The following CRYBG2 variants were observed in gnomAD, a reference collection of about 807,000 sequenced individuals.
CRYBG2 encodes beta/gamma crystallin domain-containing protein 2.
In CRYBG2, 106 loss-of-function variants were observed where a neutral mutation model predicts 153.4. That is an observed-to-expected ratio of 0.69 (90% CI 0.59 to 0.81). The LOEUF (loss-of-function observed/expected upper bound fraction) is 0.81. Ranked by LOEUF, CRYBG2 falls within the 30% of genes least tolerant of loss-of-function variation. The probability of loss-of-function intolerance (pLI) is 0.00; values close to 1 mark genes in which losing one functional copy is unlikely to be tolerated. For synonymous variants in CRYBG2, 851 were observed against 877.8 expected, an observed-to-expected ratio of 0.97 and a Z score of 0.54; for missense variants, 1,996 against 2,112.0, an observed-to-expected ratio of 0.95 and a Z score of 1.08.
chr1:26,345,252 G>A lies in CRYBG2; in HGVS notation c.1406C>T (p.Ala469Val). The change falls in exon 2 of 20, where the codon GCT (alanine) becomes GTT (valine). Residue 469 changes from alanine to valine, a missense_variant. Coordinates refer to ENST00000308182, the MANE Select transcript of CRYBG2 (RefSeq NM_001039775.4). ...TQREVVKGPGAPAASSPTRKE... is the reference protein window; with the variant it reads ...TQREVVKGPGVPAASSPTRKE... ...CCGGGTGGGAGATGAGGCAGCAGGAGCACCGGGGCCCTTCACGACCTCCCT... is the reference window on the plus strand; with the variant it reads ...CCGGGTGGGAGATGAGGCAGCAGGAACACCGGGGCCCTTCACGACCTCCCT... The A allele has an allele frequency of 6.3e-7, 1 of 1,595,832 alleles. No individual in the cohort carries two copies. Among genetic ancestry groups the A allele is most frequent in the Middle Eastern group, 1.7e-4 (1 of 6,024 alleles).
In CRYBG2 at chr1:26,343,859, C is replaced by A; in HGVS notation, c.2799G>T (p.Leu933=). ...TGAGCCCCGGTGCCCCATGGGGCAG[C>A]AGAGCAGATAGTTTTGTGCCCAGCG... The part of the protein sequence containing the change: ...PEPLGTKLSA[L]LPHGAPGLRK... The change falls in exon 2 of 20, where the codon CTG becomes CTT. Residue 933 remains leucine, a synonymous_variant. Coordinates refer to ENST00000308182, the MANE Select transcript of CRYBG2 (RefSeq NM_001039775.4). This position sits in a 1 kb window ranked among gnomAD's most constrained non-coding sequence, Gnocchi z 4.1. 1 of 1,495,884 alleles carries A rather than the reference C, an allele frequency of 6.7e-7. No individual in the cohort carries two copies. 92.7% of individuals were successfully genotyped at this position (1,495,884 alleles called of 1,614,324 possible).
chr1:26,341,669 TAG>T (rs1243452107), intron 5 of CRYBG2, among the ~76,000 whole-genome samples: 1 of 152,126 alleles, frequency 6.6e-6, no homozygotes, highest in Non-Finnish European at 1.5e-5. Context: ...GTATTTTTAG[TAG>T]AGACAGGGTT....
chr1:26,347,116 C>T (rs565791959), intron 1 of CRYBG2, among the ~76,000 whole-genome samples: 139 of 152,212 alleles, frequency 9.1e-4, no homozygotes, highest in Admixed American at 3.5e-3. Flanking sequence ...ACTGGGCAAG[C>T]GTTGTTCTAA....
rs1211030044 is a variant in CRYBG2 at position 26,344,463 on chromosome 1, G to A, written c.2195C>T (p.Ala732Val). ...AGAGACAAGCTGGGACTCCGTGCTG[G>A]CCTCTGCTCCTGTTGGCACTGGGGC... ...TPAPVPTGAEASTESQLVSDP... is the reference protein window; with the variant it reads ...TPAPVPTGAEVSTESQLVSDP... The change falls in exon 2 of 20, where the codon GCC becomes GTC. Residue 732 changes from alanine to valine, a missense_variant. Transcript: ENST00000308182. The A allele has an allele frequency of 1.2e-5, 19 of 1,534,358 alleles. No individual in the cohort carries two copies. The highest frequency in any genetic ancestry group is 1.7e-5 in the Non-Finnish European group (19 of 1,138,086).
In CRYBG2 at chr1:26,343,263, T is replaced by C; in HGVS notation, c.2944A>G (p.Asn982Asp). The change falls in exon 3 of 20, where the codon AAC becomes GAC. Residue 982 changes from asparagine to aspartate, a missense_variant. Transcript: ENST00000308182. The surrounding 1 kb of genome is among the most constrained non-coding windows in gnomAD (Gnocchi z 4.1). ...SPALKTQGKLNTRPGKVIFFS... is the reference protein window; with the variant it reads ...SPALKTQGKLDTRPGKVIFFS... ...AACCCTACCTTTCCAGGCCTGGTGT[T>C]CAGCTTGCCCTGGGTCTTTAAGGCT... 3.2e-6 allele frequency: 5 copies of C among 1,550,328 alleles called. No individual in the cohort carries two copies. Among genetic ancestry groups the C allele is most frequent in the African/African-American group, 1.4e-5 (1 of 73,032 alleles).
Position 26,345,584 on chromosome 1 carries a change from C to T in CRYBG2, c.1074G>A (p.Glu358=). The T allele has an allele frequency of 6.2e-7, 1 of 1,603,496 alleles. No individual in the cohort carries two copies. The change falls in exon 2 of 20, where the codon GAG becomes GAA. Residue 358 remains glutamate, a synonymous_variant. Transcript: ENST00000308182. ...TTAGGCCAGGAGAGGGGACATGGGT[C>T]TCGAGTCTGGGAGAGGAGGGGACTG... The part of the protein sequence containing the change: ...QASVPSSPRL[E]THVPSPGLTH...
Position 26,328,282 on chromosome 1 carries a change from C to T in CRYBG2, c.4505G>A (p.Gly1502Glu). Residue 1502 changes from glycine (G) to glutamate (E), a missense_variant, in exon 17 of 20, where the codon GGA becomes GAA. By Grantham distance (98) the Gly-to-Glu change is moderately conservative. Transcript: ENST00000308182. ...SDFRGRQWLV[G>E]SCEITNWLTY... Reference sequence around the variant, plus strand: ...CAGCCAGTTGGTGATCTCGCAGCTTCCCACCAGCCACTGGCGGCCCCGGAA... The same window carrying T: ...CAGCCAGTTGGTGATCTCGCAGCTTTCCACCAGCCACTGGCGGCCCCGGAA... 6.4e-7 allele frequency: 1 copy of T among 1,569,812 alleles called. No homozygotes were observed.
At chr1:26,332,548 C>A (rs2074009339) in intron 14 of CRYBG2, among the ~76,000 whole-genome samples, 1 of 151,662 alleles carries the variant, frequency 6.6e-6, no homozygotes, top group Non-Finnish European at 1.5e-5. Context: ...CTATTGTTGC[C>A]CAGGCTGGAG....
intron 7 of CRYBG2, 121 bp from the exon 8 acceptor site, chr1:26,338,168 CTT>C: frequency 6.9e-7 from 1 of 1,446,970 alleles, no homozygotes; most frequent in Non-Finnish European, 9.4e-7. Context: ...TCCCCTACCT[CTT>C]AGGTTAATCC....
chr1:26,351,992 C>T (rs867405544), intron 1 of CRYBG2, among the ~76,000 whole-genome samples: 6 of 151,970 alleles, frequency 3.9e-5, no homozygotes, highest in African/African-American at 1.4e-4. Flanking sequence ...TTGTTGGCAG[C>T]GTGACCTGTG....
chr1:26,339,399 A>T lies in CRYBG2; in HGVS notation c.3235T>A (p.Ser1079Thr), dbSNP rs1386291025. ...DYSTPEISLFSEEGLKGEQVK... is the reference protein window; with the variant it reads ...DYSTPEISLFTEEGLKGEQVK... ...TGCTCCCCCTTGAGGCCCTCCTCAG[A>T]GAAGAGGCTGATTTCCGGGGTGCTG... Residue 1079 changes from serine (S) to threonine (T), a missense_variant, in exon 6 of 20, where the codon TCT becomes ACT. Ser to Thr is a moderately conservative substitution (Grantham distance 58, BLOSUM62 1). Coordinates refer to ENST00000308182, the MANE Select transcript of CRYBG2 (RefSeq NM_001039775.4). The T allele has an allele frequency of 6.2e-7, 1 of 1,614,076 alleles. No individual in the cohort carries two copies. The highest frequency in any genetic ancestry group is 1.3e-5 in the African/African-American group (1 of 74,928).
chr1:26,351,958 C>T (rs2074291837), intron 1 of CRYBG2, among the ~76,000 whole-genome samples: 1 of 152,114 alleles, frequency 6.6e-6, no homozygotes, highest in Admixed American at 6.6e-5. Context: ...CTTTCTTCTG[C>T]AGGGCCCCAG....
chr1:26,328,314 G>A lies in CRYBG2; in HGVS notation c.4473C>T (p.His1491=), dbSNP rs1349142307. 2 of 1,572,180 alleles carry A rather than the reference G, an allele frequency of 1.3e-6. No individual in the cohort carries two copies. The highest frequency in any genetic ancestry group is 8.6e-7 in the Non-Finnish European group (1 of 1,158,010). The change falls in exon 17 of 20, where the codon CAC becomes CAT. Residue 1491 remains histidine (H), a synonymous_variant. Coordinates refer to ENST00000308182, the MANE Select transcript of CRYBG2 (RefSeq NM_001039775.4). ...IKGGIWVLCE[H]SDFRGRQWLV... is the part of the protein sequence containing the mutation. ...GCCACTGGCGGCCCCGGAAGTCACT[G>A]TGTTCACATAGCACCCAACTGGGCC...
In CRYBG2 at chr1:26,336,741, A is replaced by AGGGCGGGGCGCGAGTCAGCTG. The variant is rs761130401; in HGVS notation, c.3912-30_3912-10dup. The AGGGCGGGGCGCGAGTCAGCTG allele has an allele frequency of 5.4e-5, 85 of 1,581,768 alleles. No individual in the cohort carries two copies. In the African/African-American group the frequency reaches 8.1e-4, roughly 15 times the overall value. ...CCTGGTAGGCCACCCACCTGCAGGA[A>AGGGCGGGGCGCGAGTCAGCTG]GGGCGGGGCGCGAGTCAGCTGGGAC... On this transcript the variant is annotated splice_polypyrimidine_tract_variant and intron_variant, in intron 11 of 19. Transcript: ENST00000308182. The surrounding 1 kb of genome is among the most constrained non-coding windows in gnomAD (Gnocchi z 4.9).
intron 1 of CRYBG2, among the ~76,000 whole-genome samples, chr1:26,348,687 C>G (rs1370294477): frequency 1.3e-5 from 2 of 152,026 alleles, no homozygotes; most frequent in Admixed American, 6.5e-5. Flanking sequence ...TCCCGAGTAG[C>G]TGGGATTACA....
In CRYBG2 at chr1:26,328,311, A is replaced by C. The variant is rs943285137; in HGVS notation, c.4476T>G (p.Ser1492Arg). The C allele has an allele frequency of 1.3e-6, 2 of 1,571,938 alleles. No homozygotes were observed. Among genetic ancestry groups the C allele is most frequent in the African/African-American group, 2.7e-5 (2 of 73,824 alleles). Residue 1492 changes from serine to arginine, a missense_variant, in exon 17 of 20, where the codon AGT becomes AGG. Ser to Arg is a moderately radical substitution (Grantham distance 110). Transcript: ENST00000308182. The stretch of plus-strand genomic sequence containing the variant: ...CCAGCCACTGGCGGCCCCGGAAGTC[A>C]CTGTGTTCACATAGCACCCAACTGG... ...KGGIWVLCEH[S>R]DFRGRQWLVG...
At chr1:26,322,757 G>T (rs896600252) in intron 18 of CRYBG2, among the ~76,000 whole-genome samples, 1 of 152,188 alleles carries the variant, frequency 6.6e-6, no homozygotes, top group African/African-American at 2.4e-5. Flanking sequence ...TTTGTGTGAA[G>T]AACTCAATGC....
chr1:26,353,776 C>A (rs2074309591), intron 1 of CRYBG2, among the ~76,000 whole-genome samples: 1 of 152,154 alleles, frequency 6.6e-6, no homozygotes, highest in East Asian at 1.9e-4. Context: ...GAAGGCAACC[C>A]CCCTTCCTGC....
In CRYBG2 at chr1:26,328,221, G is replaced by T. The variant is rs1464070900; in HGVS notation, c.4566C>A (p.Tyr1522Ter). 1.3e-6 allele frequency: 2 copies of T among 1,564,580 alleles called. No homozygotes were observed. The highest frequency in any genetic ancestry group is 1.7e-6 in the Non-Finnish European group (2 of 1,154,664). ...CCACGCTACCCACCTGCTTGATGGG[G>T]TAGAGGGAGCCCACCCTCTGGGTGC... is the stretch of plus-strand genomic sequence containing the variant. ...YSGTQRVGSLYPIKQRRVYFR... is the reference protein window; with the variant it reads ...YSGTQRVGSL Residue 1522 changes from tyrosine to a stop codon, truncating the protein, a stop_gained, in exon 17 of 20, where the codon TAC becomes TAA. Transcript: ENST00000308182. LOFTEE classifies it high-confidence loss of function.
Sources: gnomAD v4.1 joint callset for allele counts (sites outside exome capture counted in the v4.1 genomes callset) on GRCh38, gnomAD v4.1.1 for gene constraint, Gnocchi (gnomAD v3.1) non-coding constraint, MANE v1.5 for transcripts, NCBI Gene and HGNC (gene_info 2026-07-23, HGNC 2026-07-21) for gene names.